Variants in PRKG1 observed in about 807,000 individuals in gnomAD.
The protein encoded by PRKG1 is cGMP-dependent protein kinase 1.
PRKG1 carries 35 observed loss-of-function variants against 88.1 expected under a neutral mutation model. The ratio of observed to expected loss-of-function variants is 0.40; its 90% confidence interval spans 0.30 to 0.53. The LOEUF (loss-of-function observed/expected upper bound fraction) is 0.53, where lower values mean the gene tolerates loss of function less well. PRKG1 is among the 20% of genes least tolerant of loss of function. The pLI is 0.59. For synonymous variants in PRKG1, 303 were observed against 292.5 expected (o/e 1.04, Z -0.37); for missense variants, 540 against 839.8 (o/e 0.64, Z 4.41).
At chr10:51,666,995 A>G (rs775521527) in intron 3 of PRKG1, among the ~76,000 whole-genome samples, 19 of 151,940 alleles carry the variant, frequency 1.3e-4, no homozygotes, top group Non-Finnish European at 2.5e-4. Flanking sequence ...ACGTGGTTTC[A>G]CCATGTTGGT....
chr10:51,137,529 C>A (rs1845718303), intron 1 of PRKG1, among the ~76,000 whole-genome samples: 1 of 152,076 alleles, frequency 6.6e-6, no homozygotes, highest in African/African-American at 2.4e-5. Flanking sequence ...TGAGAAGGTT[C>A]TATACAGCAA....
At chr10:51,556,878 T>A (rs1447083196) in intron 3 of PRKG1, among the ~76,000 whole-genome samples, 5 of 152,044 alleles carry the variant, frequency 3.3e-5, no homozygotes, top group African/African-American at 9.7e-5. Context: ...CTATAATAAA[T>A]GTTGAAATTA....
chr10:51,472,075 G>C (rs7908907), intron 3 of PRKG1, among the ~76,000 whole-genome samples: 36,477 of 151,624 alleles, frequency 0.24, 4,739 homozygotes, highest in Admixed American at 0.32. Flanking sequence ...ATAATGTTGG[G>C]TAAAAAACTA....
intron 3 of PRKG1, among the ~76,000 whole-genome samples, chr10:51,571,501 G>T (rs187358946): frequency 1.1e-4 from 17 of 151,950 alleles, no homozygotes; most frequent in Admixed American, 9.2e-4. Context: ...TTATATTAAA[G>T]AATGAGCCTG....
At chr10:52,126,590 C>G (rs1038441897) in intron 7 of PRKG1, among the ~76,000 whole-genome samples, 2 of 152,114 alleles carry the variant, frequency 1.3e-5, no homozygotes, top group African/African-American at 4.8e-5. Flanking sequence ...AAGTGATCTT[C>G]CTGCCTCAGC....
At chr10:51,924,952 GTT>G (rs535741223) in intron 5 of PRKG1, among the ~76,000 whole-genome samples, 20,853 of 140,974 alleles carry the variant, frequency 0.15, 1,811 homozygotes, top group African/African-American at 0.25. Context: ...ATGTTGCCTA[GTT>G]TTTTTTTTTT....
At chr10:51,081,762 T>C (rs1370763262) in intron 1 of PRKG1, among the ~76,000 whole-genome samples, 2 of 152,164 alleles carry the variant, frequency 1.3e-5, no homozygotes, top group African/African-American at 4.8e-5. Flanking sequence ...GAATGATTGA[T>C]TGATTGATTG....
rs148343721 is a variant in PRKG1, at chr10:51,671,837, C to T, written c.593-132748C>T. On this transcript the variant is annotated intron_variant, in intron 3 of 17. Transcript: ENST00000373980. ...TCCTGACCTTGTGATTTGCCTGCCT[C>T]GGCCTCCCATCTTCTTCTCTTTTAT... 3.3e-3 allele frequency among the ~76,000 whole-genome samples: 505 copies of T among 152,210 alleles called. 3 individuals carry two copies. Among genetic ancestry groups the T allele is most frequent in the Non-Finnish European group, 4.8e-3 (324 of 68,010 alleles).
At chr10:52,283,656 A>G (rs1255684185) in intron 14 of PRKG1, among the ~76,000 whole-genome samples, 3 of 152,192 alleles carry the variant, frequency 2.0e-5, no homozygotes, top group African/African-American at 4.8e-5. Flanking sequence ...GGATTGTTCA[A>G]TTTTGATCTT....
intron 3 of PRKG1, among the ~76,000 whole-genome samples, chr10:51,701,761 G>T (rs974951187): frequency 6.6e-6 from 1 of 150,634 alleles, no homozygotes; most frequent in Non-Finnish European, 1.5e-5. Flanking sequence ...GATGGTAATG[G>T]GGTATTATAA....
At chr10:51,603,603 T>C (rs780393626) in intron 3 of PRKG1, among the ~76,000 whole-genome samples, 2 of 152,194 alleles carry the variant, frequency 1.3e-5, no homozygotes, top group African/African-American at 4.8e-5. Flanking sequence ...TGGATTCATT[T>C]GTTCAGCAAT....
At chr10:51,889,314 G>A (rs867011021) in intron 4 of PRKG1, among the ~76,000 whole-genome samples, 7 of 150,112 alleles carry the variant, frequency 4.7e-5, no homozygotes, top group African/African-American at 1.5e-4. Flanking sequence ...GCAGTGTTTG[G>A]TTTTTTGTCC....
chr10:51,300,018 T>C lies in PRKG1; in HGVS notation c.478+146688T>C, dbSNP rs146321592. Among the ~76,000 whole-genome samples, 572 of 152,280 alleles carry C rather than the reference T, an allele frequency of 3.8e-3. 2 individuals carry two copies. The highest frequency in any genetic ancestry group is 0.027 in the Middle Eastern group (8 of 294). On this transcript the variant is annotated intron_variant, in intron 2 of 17. Coordinates refer to ENST00000373980, the MANE Select transcript of PRKG1 (RefSeq NM_006258.4). ...AATTATAGGCAGAGGGTATGAAGGG[T>C]GTCAAATCTTGAAAGAAAATTGCCT...
chr10:52,252,261 C>T (rs561325424), intron 10 of PRKG1: 1 of 152,158 alleles, frequency 6.6e-6, no homozygotes, highest in East Asian at 1.9e-4. Flanking sequence ...GATGATGACA[C>T]TTTGTACAAG....
chr10:51,439,623 T>C (rs1438816748), intron 2 of PRKG1, among the ~76,000 whole-genome samples: 3 of 151,916 alleles, frequency 2.0e-5, no homozygotes, highest in Non-Finnish European at 2.9e-5. Flanking sequence ...GTAGCATTAC[T>C]AACGTTTTAA....
chr10:51,755,132 C>A (rs1837825946), intron 3 of PRKG1, among the ~76,000 whole-genome samples: 2 of 152,036 alleles, frequency 1.3e-5, no homozygotes, highest in Admixed American at 6.6e-5. Context: ...TTAACCAATT[C>A]TGAACTTCTT....
intron 2 of PRKG1, among the ~76,000 whole-genome samples, chr10:51,233,973 G>A (rs1204818957): frequency 1.3e-5 from 2 of 152,046 alleles, no homozygotes; most frequent in African/African-American, 4.8e-5. Context: ...AAAATGTAGG[G>A]AACGGTCTCT....
chr10:51,936,223 T>C (rs890765163), intron 5 of PRKG1, among the ~76,000 whole-genome samples: 1 of 152,092 alleles, frequency 6.6e-6, no homozygotes, highest in Admixed American at 6.6e-5. Flanking sequence ...TCTCAACAAC[T>C]GATTTATATC....
intron 5 of PRKG1, among the ~76,000 whole-genome samples, chr10:51,961,416 T>G (rs1903960): frequency 0.25 from 37,683 of 152,144 alleles, 4,897 homozygotes; most frequent in Middle Eastern, 0.32. Context: ...TAAGCAGACC[T>G]GCACAATTCA....
Sources: allele counts gnomAD v4.1 joint callset (sites outside exome capture counted in the v4.1 genomes callset), GRCh38; gene constraint gnomAD v4.1.1; transcripts MANE v1.5; gene names NCBI Gene and HGNC (gene_info 2026-07-23, HGNC 2026-07-21).